Variants in ABCB1 observed in about 807,000 individuals in gnomAD.
The protein encoded by ABCB1 is ATP binding cassette subfamily B member 1.
A neutral mutation model predicts 142.0 loss-of-function variants in ABCB1; 69 were observed. The ratio of observed to expected loss-of-function variants is 0.49; its 90% CI spans 0.40 to 0.59. The LOEUF (loss-of-function observed/expected upper bound fraction) is 0.59. Ranked by LOEUF, ABCB1 falls within the 20% of genes least tolerant of loss-of-function variation. The probability of loss-of-function intolerance (pLI) is 0.00; values close to 1 mark genes in which losing one functional copy is unlikely to be tolerated. For synonymous variants in ABCB1, 532 were observed against 539.2 expected (o/e 0.99, Z 0.18); for missense variants, 1,326 against 1,554.7 (o/e 0.85, Z 2.47).
chr7:87,625,554 G>T (rs1457410515), intron 1 of ABCB1, among the ~76,000 whole-genome samples: 1 of 152,094 alleles, frequency 6.6e-6, no homozygotes, highest in African/African-American at 2.4e-5. Context: ...TTTTCTTTCT[G>T]CAGTTTTATC....
At chr7:87,583,283 T>C (rs1245441638) in intron 4 of ABCB1, among the ~76,000 whole-genome samples, 1 of 152,164 alleles carries the variant, frequency 6.6e-6, no homozygotes, top group Non-Finnish European at 1.5e-5. Flanking sequence ...ACTTAATAAC[T>C]AAAGTATGAA....
intron 1 of ABCB1, among the ~76,000 whole-genome samples, chr7:87,702,300 A>G (rs1432000812): frequency 2.6e-5 from 4 of 151,186 alleles, no homozygotes; most frequent in Admixed American, 6.6e-5. Flanking sequence ...TTTTTTAGGG[A>G]CAGGGTCTTG....
chr7:87,528,296 A>T (rs1262794369), intron 21 of ABCB1, among the ~76,000 whole-genome samples: 1 of 152,190 alleles, frequency 6.6e-6, no homozygotes, highest in Non-Finnish European at 1.5e-5. Flanking sequence ...GTTTGTGTGC[A>T]TAAAATTTGA....
intron 1 of ABCB1, among the ~76,000 whole-genome samples, chr7:87,711,031 A>G: frequency 6.6e-6 from 1 of 151,984 alleles, no homozygotes; most frequent in East Asian, 1.9e-4. Context: ...TTTTGCTTGT[A>G]AAGAATATAC....
intron 3 of ABCB1, among the ~76,000 whole-genome samples, chr7:87,595,511 T>A (rs1038005448): frequency 6.6e-6 from 1 of 152,118 alleles, no homozygotes; most frequent in Non-Finnish European, 1.5e-5. Context: ...CTTGTGTAGG[T>A]AATGGATCAC....
At position 87,509,351 on chromosome 7, in the gene ABCB1, C is replaced by T. The variant is rs200196668; in HGVS notation, c.3413G>A (p.Arg1138Gln). ...AENIAYGDNS[R>Q]VVSQEEIVRA... Reference sequence around the variant, plus strand: ...CACAATCTCTTCCTGTGACACCACCCGGCTGTTGTCTCCATAGGCAATGTT... The same window carrying T: ...CACAATCTCTTCCTGTGACACCACCTGGCTGTTGTCTCCATAGGCAATGTT... The change falls in exon 26 of 28, where the codon CGG becomes CAG. Residue 1138 changes from arginine to glutamine, a missense_variant. Transcript: ENST00000622132. 23 of 1,614,106 alleles carry T rather than the reference C, an allele frequency of 1.4e-5. No homozygotes were observed. Among genetic ancestry groups the T allele is most frequent in the South Asian group, 1.2e-4 (11 of 91,086 alleles).
In ABCB1 at chr7:87,566,980, A is replaced by C; in HGVS notation, c.339-4T>G. The C allele has an allele frequency of 6.2e-7, 1 of 1,613,866 alleles. No individual in the cohort carries two copies. Among genetic ancestry groups the C allele is most frequent in the Non-Finnish European group, 8.5e-7 (1 of 1,179,746 alleles). ...TCCACTGTAATAATAGGCATACCTGAAAAACAACAAGAACACTGCACATGC... is the reference window on the plus strand; with the variant it reads ...TCCACTGTAATAATAGGCATACCTGCAAAACAACAAGAACACTGCACATGC... On this transcript the variant is annotated splice_region_variant and splice_polypyrimidine_tract_variant and intron_variant, in intron 5 of 27. Transcript: ENST00000622132.
At chr7:87,529,866 T>C (rs1033708952) in intron 21 of ABCB1, among the ~76,000 whole-genome samples, 2 of 152,230 alleles carry the variant, frequency 1.3e-5, no homozygotes, top group Admixed American at 6.5e-5. Context: ...CCAACGTTAC[T>C]TGAGCCAGAC....
At chr7:87,545,261 C>T (rs147601223) in intron 15 of ABCB1, among the ~76,000 whole-genome samples, 48 of 152,328 alleles carry the variant, frequency 3.2e-4, no homozygotes, top group African/African-American at 1.1e-3. Flanking sequence ...ATCTTATCTT[C>T]TCACGCCATT....
intron 1 of ABCB1, among the ~76,000 whole-genome samples, chr7:87,626,124 TTGTCATATATATG>T (rs1349924766): frequency 1.1e-4 from 14 of 123,532 alleles, no homozygotes; most frequent in South Asian, 2.9e-4. Context: ...GTCATATATA[TTGTCATATATATG>T]TGTCATATAT....
chr7:87,613,726 GTTGATCTA>G (rs537115890), intron 1 of ABCB1, among the ~76,000 whole-genome samples: 93 of 152,272 alleles, frequency 6.1e-4, no homozygotes, highest in African/African-American at 2.2e-3. Context: ...GGGAGCAAGA[GTTGATCTA>G]TTGGGAACTA....
intron 23 of ABCB1, 55 bp downstream of exon 23, chr7:87,519,271 A>G (rs546665104): frequency 9.8e-6 from 15 of 1,531,288 alleles, no homozygotes; most frequent in Non-Finnish European, 8.1e-6. Flanking sequence ...GACATGAAGC[A>G]TGTTCATCCC....
chr7:87,620,946 A>G (rs993355769), intron 1 of ABCB1, among the ~76,000 whole-genome samples: 1 of 152,114 alleles, frequency 6.6e-6, no homozygotes, highest in Non-Finnish European at 1.5e-5. Flanking sequence ...CATACAAAAA[A>G]CCTTACTCAT....
At chr7:87,544,088 A>T in intron 17 of ABCB1, 41 bp downstream of exon 17, 2 of 1,607,880 alleles carry the variant, frequency 1.2e-6, no homozygotes, top group Non-Finnish European at 1.7e-6. Context: ...TTCTTCCATC[A>T]GGATTCACAA....
intron 7 of ABCB1, among the ~76,000 whole-genome samples, chr7:87,565,263 T>C (rs1349206604): frequency 1.3e-5 from 2 of 152,230 alleles, no homozygotes; most frequent in Non-Finnish European, 2.9e-5. Context: ...TTACTTTTGC[T>C]ACATGAATTT....
At chr7:87,600,251 A>T in intron 1 of ABCB1, 61 bp from the exon 2 acceptor site, 6 of 1,364,058 alleles carry the variant, frequency 4.4e-6, no homozygotes, top group South Asian at 1.2e-5. Context: ...TGGAGGTGAG[A>T]CTAACCTCTA....
intron 1 of ABCB1, among the ~76,000 whole-genome samples, chr7:87,631,495 A>G (rs1821217665): frequency 6.6e-6 from 1 of 152,102 alleles, no homozygotes; most frequent in Non-Finnish European, 1.5e-5. Flanking sequence ...GGTTCACGCC[A>G]TTCTCCTGCC....
chr7:87,651,247 T>C (rs1399169213), intron 1 of ABCB1, among the ~76,000 whole-genome samples: 1 of 152,172 alleles, frequency 6.6e-6, no homozygotes, highest in Non-Finnish European at 1.5e-5. Flanking sequence ...TTTTAATCAA[T>C]TTACAGAGAA....
intron 24 of ABCB1, among the ~76,000 whole-genome samples, chr7:87,516,264 A>T (rs1376491398): frequency 6.6e-6 from 1 of 152,174 alleles, no homozygotes; most frequent in Non-Finnish European, 1.5e-5. Flanking sequence ...AATTGTTTTT[A>T]AAAAATCTGA....
Sources: allele counts gnomAD v4.1 joint callset (sites outside exome capture counted in the v4.1 genomes callset), GRCh38; gene constraint gnomAD v4.1.1; transcripts MANE v1.5; gene names NCBI Gene and HGNC (gene_info 2026-07-23, HGNC 2026-07-21).